The following RHBDD1 variants were observed in gnomAD, a reference collection of about 807,000 sequenced individuals.
RHBDD1 encodes rhomboid domain containing 1, also known as rhomboid-related protein 4.
In RHBDD1, 38 loss-of-function variants were observed where a neutral mutation model predicts 36.3. The observed-to-expected ratio is 1.05, with a 90% CI of 0.81 to 1.37. The LOEUF is 1.37. RHBDD1 is among the 40% of genes most tolerant of loss of function. The pLI is 0.00. For synonymous variants in RHBDD1, 151 were observed against 136.5 expected, an observed-to-expected ratio of 1.11 and a Z score of -0.74; for missense variants, 393 against 377.6, an observed-to-expected ratio of 1.04 and a Z score of -0.34.
At chr2:226,810,540 C>CAAAAAAAAAAA in the RHBDD1 span, among the ~76,000 whole-genome samples, 245 of 33,832 alleles carry the variant, frequency 7.2e-3, 30 homozygotes, top group African/African-American at 0.016. Context: ...GACTCCGTCT[C>CAAAAAAAAAAA]AAAAAAAAAA....
At chr2:226,967,447 A>G (rs1378008850) in intron 8 of RHBDD1, among the ~76,000 whole-genome samples, 1 of 151,932 alleles carries the variant, frequency 6.6e-6, no homozygotes, top group Non-Finnish European at 1.5e-5. Flanking sequence ...GGTTTGTTAC[A>G]TATGTATACA....
At chr2:226,832,403 G>T (rs550981135), upstream of RHBDD1, among the ~76,000 whole-genome samples, 4 of 152,016 alleles carry the variant, frequency 2.6e-5, no homozygotes, top group African/African-American at 9.7e-5. Flanking sequence ...CTAACATAAG[G>T]CTATCCTGGA....
At chr2:226,950,784 G>T (rs979938357) in intron 8 of RHBDD1, among the ~76,000 whole-genome samples, 1 of 152,146 alleles carries the variant, frequency 6.6e-6, no homozygotes, top group Non-Finnish European at 1.5e-5. Flanking sequence ...CATCCTTTGA[G>T]AGATGTCTGT....
At chr2:226,818,152 ATTTT>A in the RHBDD1 span, among the ~76,000 whole-genome samples, 254 of 86,226 alleles carry the variant, frequency 2.9e-3, no homozygotes, top group African/African-American at 0.011. Context: ...TCCAAACAGT[ATTTT>A]TTTTTTTTTT....
upstream of RHBDD1, among the ~76,000 whole-genome samples, chr2:226,835,242 T>C (rs962715771): frequency 6.6e-6 from 1 of 152,210 alleles, no homozygotes; most frequent in African/African-American, 2.4e-5. Context: ...CTATTAAATA[T>C]ATATAGCATT....
chr2:226,934,343 A>C (rs1342510851), intron 8 of RHBDD1, among the ~76,000 whole-genome samples: 3 of 152,164 alleles, frequency 2.0e-5, no homozygotes, highest in Non-Finnish European at 4.4e-5. Context: ...ACTACACTTT[A>C]TAATGACTGC....
chr2:226,936,067 C>G (rs1375859641), intron 8 of RHBDD1, among the ~76,000 whole-genome samples: 1 of 152,004 alleles, frequency 6.6e-6, no homozygotes, highest in Non-Finnish European at 1.5e-5. Flanking sequence ...GGTATGTTCT[C>G]CCCCAGGAAA....
At chr2:226,877,984 A>C (rs574610259) in intron 5 of RHBDD1, among the ~76,000 whole-genome samples, 1 of 151,794 alleles carries the variant, frequency 6.6e-6, no homozygotes, top group African/African-American at 2.4e-5. Flanking sequence ...CTTAAAAAAA[A>C]GGGCAGATCA....
At chr2:226,854,566 A>C (rs1943135747) in intron 3 of RHBDD1, among the ~76,000 whole-genome samples, 1 of 146,924 alleles carries the variant, frequency 6.8e-6, no homozygotes, top group African/African-American at 2.6e-5. Context: ...GCACCACTGC[A>C]CACCAGCCTG....
chr2:226,829,271 A>G, the RHBDD1 span, among the ~76,000 whole-genome samples: 1 of 152,204 alleles, frequency 6.6e-6, no homozygotes, highest in Non-Finnish European at 1.5e-5. Flanking sequence ...CGATTACTAT[A>G]ACTTTATAAC....
intron 8 of RHBDD1, among the ~76,000 whole-genome samples, chr2:226,936,659 T>G (rs902450185): frequency 6.6e-6 from 1 of 152,150 alleles, no homozygotes; most frequent in Non-Finnish European, 1.5e-5. Flanking sequence ...CTACCAAATC[T>G]TAATGATTTC....
At chr2:226,852,524 T>C (rs144574321) in intron 3 of RHBDD1, among the ~76,000 whole-genome samples, 105 of 152,074 alleles carry the variant, frequency 6.9e-4, no homozygotes, top group African/African-American at 2.4e-3. Flanking sequence ...TGTGAGTATA[T>C]AACAGAAAAG....
chr2:226,833,723 T>C (rs942680746), upstream of RHBDD1, among the ~76,000 whole-genome samples: 2 of 152,248 alleles, frequency 1.3e-5, no homozygotes, highest in African/African-American at 4.8e-5. Context: ...TATTTTAAGT[T>C]AAAGAATTTC....
At chr2:226,913,674 G>A (rs959397758) in intron 7 of RHBDD1, among the ~76,000 whole-genome samples, 7 of 151,592 alleles carry the variant, frequency 4.6e-5, no homozygotes, top group South Asian at 2.1e-4. Context: ...CCTTTTTTTG[G>A]GGGGGAGCTA....
chr2:226,899,481 A>G lies in RHBDD1; in HGVS notation c.567-7312A>G, dbSNP rs140226302. Among the ~76,000 whole-genome samples, 1,116 of 152,316 alleles carry G rather than the reference A, an allele frequency of 7.3e-3. 12 individuals carry two copies. The highest frequency in any genetic ancestry group is 0.043 in the South Asian group (206 of 4,826). ...TATCTAGAGGTCCACTGGACAAAAAATAATGGGTGAGGATTTTCAGAATTG... is the reference window on the plus strand; with the variant it reads ...TATCTAGAGGTCCACTGGACAAAAAGTAATGGGTGAGGATTTTCAGAATTG... On this transcript the variant is annotated intron_variant, in intron 5 of 8. Transcript: ENST00000392062.
chr2:226,949,265 G>GA (rs1174493575), intron 8 of RHBDD1, among the ~76,000 whole-genome samples: 3 of 152,108 alleles, frequency 2.0e-5, no homozygotes, highest in East Asian at 1.9e-4. Context: ...CACATAATTA[G>GA]AAAAAACTAA....
Position 226,896,131 on chromosome 2 carries a change from A to G in RHBDD1, c.567-10662A>G, listed in dbSNP as rs186805070. ...AATCAACACATGAAATATGGGAGCA[A>G]CATTTTGAATCATTCTTCCCTCTCA... On this transcript the variant is annotated intron_variant, in intron 5 of 8. Coordinates refer to ENST00000392062, the MANE Select transcript of RHBDD1 (RefSeq NM_001167608.3). Among the ~76,000 whole-genome samples, 41 of 152,326 alleles carry G rather than the reference A, an allele frequency of 2.7e-4. 1 individual carries two copies. The East Asian group carries it at 7.9e-3, about 29-fold the overall frequency.
At chr2:226,967,030 G>A (rs1952691061) in intron 8 of RHBDD1, among the ~76,000 whole-genome samples, 1 of 152,122 alleles carries the variant, frequency 6.6e-6, no homozygotes, top group South Asian at 2.1e-4. Flanking sequence ...TCATGATTTA[G>A]TTGTTCTGGG....
intron 8 of RHBDD1, among the ~76,000 whole-genome samples, chr2:226,935,787 G>A (rs1443754232): frequency 6.6e-6 from 1 of 152,126 alleles, no homozygotes; most frequent in Admixed American, 6.6e-5. Flanking sequence ...AGGGCTTACA[G>A]ATGAAAGATC....
Sources: gnomAD v4.1 joint callset for allele counts (sites outside exome capture counted in the v4.1 genomes callset) on GRCh38, gnomAD v4.1.1 for gene constraint, MANE v1.5 for transcripts, NCBI Gene and HGNC (gene_info 2026-07-23, HGNC 2026-07-21) for gene names.